Variants in HNRNPLL observed in about 807,000 individuals in gnomAD.
HNRNPLL encodes the protein heterogeneous nuclear ribonucleoprotein L like.
Under a neutral mutation model 67.1 loss-of-function variants are expected in HNRNPLL, and 25 were observed. The ratio of observed to expected loss-of-function variants is 0.37; its 90% confidence interval spans 0.27 to 0.52. The LOEUF (loss-of-function observed/expected upper bound fraction) is 0.52. HNRNPLL is among the 20% of genes least tolerant of loss of function. The pLI is 0.90. For synonymous variants in HNRNPLL, 267 were observed against 241.7 expected (o/e 1.10, Z -0.97); for missense variants, 542 against 673.9 (o/e 0.80, Z 2.17).
Position 38,569,377 on chromosome 2 carries a change from A to AT in HNRNPLL, c.1215-44dup, listed in dbSNP as rs760296379. On this transcript the variant is annotated intron_variant, in intron 9 of 12. Coordinates refer to ENST00000449105, the MANE Select transcript of HNRNPLL (RefSeq NM_138394.4). ...AAGACATACAAAAGTACTTTGTTAGATAAAAAGCAGCAAGTAGTCTCAGAA... is the reference window on the plus strand; with the variant it reads ...AAGACATACAAAAGTACTTTGTTAGATTAAAAAGCAGCAAGTAGTCTCAGAA... The AT allele has an allele frequency of 1.5e-5, 21 of 1,418,104 alleles. No individual in the cohort carries two copies. The East Asian group carries it at 4.6e-4, about 31-fold the overall frequency. 87.8% of individuals were successfully genotyped at this position (1,418,104 alleles called of 1,614,324 possible). A position where few individuals can be genotyped will look rare whatever the true frequency, so the allele number is the denominator to read the frequency against.
At chr2:38,591,801 C>A (rs1188225476) in intron 1 of HNRNPLL, among the ~76,000 whole-genome samples, 153 bp from the exon 2 acceptor site, 1 of 152,036 alleles carries the variant, frequency 6.6e-6, no homozygotes, top group Non-Finnish European at 1.5e-5. Context: ...CATGGTGAAA[C>A]CCCATCTCTA....
chr2:38,577,311 A>T (rs75047903), intron 7 of HNRNPLL, 150 bp downstream of exon 7: 2 of 529,154 alleles, frequency 3.8e-6, no homozygotes, highest in Non-Finnish European at 6.8e-6. Context: ...ATTTTGGACA[A>T]CTCCTGGGAG....
At chr2:38,578,073 CTGACT>C (rs1339515576) in intron 6 of HNRNPLL, 5 of 459,946 alleles carry the variant, frequency 1.1e-5, no homozygotes, top group African/African-American at 1.0e-4. Flanking sequence ...TTACAAACAC[CTGACT>C]TGAGAGCTGA....
chr2:38,590,158 T>C (rs1666901926), intron 2 of HNRNPLL, among the ~76,000 whole-genome samples: 1 of 152,228 alleles, frequency 6.6e-6, no homozygotes, highest in Non-Finnish European at 1.5e-5. Flanking sequence ...AAGGTTAACG[T>C]GTTTGCCAAG....
intron 1 of HNRNPLL, among the ~76,000 whole-genome samples, chr2:38,592,447 T>C (rs975232716): frequency 7.9e-5 from 12 of 152,248 alleles, no homozygotes; most frequent in Admixed American, 5.9e-4. Flanking sequence ...AACTTGAGGA[T>C]ACTCACTTAG....
chr2:38,591,597 G>T lies in HNRNPLL; in HGVS notation c.241C>A (p.Arg81=). The part of the protein sequence containing the change: ...KVSVSPVVHV[R]GLCESVVEAD... ...TCCACCACAGATTCACAGAGTCCTC[G>T]AACATGGACGACGGGTGAAACAGAA... Residue 81 remains arginine, a synonymous_variant, in exon 2 of 13, where the codon CGA becomes AGA. Transcript: ENST00000449105. 2 of 1,613,804 alleles carry T rather than the reference G, an allele frequency of 1.2e-6. No homozygotes were observed. The highest frequency in any genetic ancestry group is 4.5e-5 in the East Asian group (2 of 44,878).
At chr2:38,601,020 A>AC (rs1352956176) in intron 1 of HNRNPLL, among the ~76,000 whole-genome samples, 1 of 152,268 alleles carries the variant, frequency 6.6e-6, no homozygotes, top group Admixed American at 6.5e-5. Context: ...GCAACGAGGT[A>AC]CACTGATCGA....
chr2:38,592,049 A>C (rs1443414013), intron 1 of HNRNPLL, among the ~76,000 whole-genome samples: 1 of 152,220 alleles, frequency 6.6e-6, no homozygotes, highest in Non-Finnish European at 1.5e-5. Flanking sequence ...TAAAAAGTAA[A>C]CATTTTTTTT....
chr2:38,580,156 A>AT (rs199918240), intron 6 of HNRNPLL, among the ~76,000 whole-genome samples: 13 of 152,166 alleles, frequency 8.5e-5, no homozygotes, highest in African/African-American at 1.2e-4. Flanking sequence ...TTCAAATGAG[A>AT]TTTTTTTAAA....
At chr2:38,565,955 T>G in intron 12 of HNRNPLL, 4 of 847,768 alleles carry the variant, frequency 4.7e-6, no homozygotes, top group Middle Eastern at 5.9e-4. Flanking sequence ...ATTCCAGCCA[T>G]AAATCATTCA....
chr2:38,592,712 A>G (rs1199726822), intron 1 of HNRNPLL, among the ~76,000 whole-genome samples: 1 of 152,244 alleles, frequency 6.6e-6, no homozygotes, highest in East Asian at 1.9e-4. Flanking sequence ...TTCAAGTTCC[A>G]TTAAGACAAA....
intron 7 of HNRNPLL, among the ~76,000 whole-genome samples, chr2:38,576,898 C>A (rs943495865): frequency 1.3e-5 from 2 of 151,770 alleles, no homozygotes; most frequent in African/African-American, 4.8e-5. Flanking sequence ...CTAATTTTTT[C>A]CTGGGGCAGA....
chr2:38,601,802 T>C (rs1249522613), intron 1 of HNRNPLL, among the ~76,000 whole-genome samples: 1 of 152,222 alleles, frequency 6.6e-6, no homozygotes, highest in Non-Finnish European at 1.5e-5. Flanking sequence ...GTTGAAGTGT[T>C]GTAACCGAAG....
intron 1 of HNRNPLL, among the ~76,000 whole-genome samples, chr2:38,597,504 G>A (rs975063123): frequency 2.0e-5 from 3 of 152,210 alleles, no homozygotes; most frequent in Non-Finnish European, 2.9e-5. Context: ...TAACCCACGC[G>A]ATGTTTAATC....
Position 38,571,352 on chromosome 2 carries a change from G to A in HNRNPLL, c.1093-1427C>T, listed in dbSNP as rs531405461. On this transcript the variant is annotated intron_variant, in intron 8 of 12. Transcript: ENST00000449105. ...CTATTGTTGGAGCAGTTAACAGTGAGTAACTGAAAGCAAAACTGTGGATAA... is the reference window on the plus strand; with the variant it reads ...CTATTGTTGGAGCAGTTAACAGTGAATAACTGAAAGCAAAACTGTGGATAA... Among the ~76,000 whole-genome samples the A allele has an allele frequency of 2.0e-5, 3 of 152,138 alleles. No individual in the cohort carries two copies. The South Asian group carries it at 6.3e-4, about 32-fold the overall frequency.
chr2:38,566,443 T>C (rs1394841439), intron 12 of HNRNPLL, among the ~76,000 whole-genome samples: 1 of 149,230 alleles, frequency 6.7e-6, no homozygotes, highest in East Asian at 2.0e-4. Flanking sequence ...AGGTTAACAA[T>C]TTCACTTGAC....
In HNRNPLL at chr2:38,569,354, G is replaced by C; in HGVS notation, c.1215-20C>G. 1 of 1,550,410 alleles carries C rather than the reference G, an allele frequency of 6.4e-7. No homozygotes were observed. Among genetic ancestry groups the C allele is most frequent in the Non-Finnish European group, 8.9e-7 (1 of 1,125,602 alleles). On this transcript the variant is annotated intron_variant, in intron 9 of 12. Transcript: ENST00000449105. ...GACACGCTAAAGATTGTAAAGAAAA[G>C]ACATACAAAAGTACTTTGTTAGATA...
At chr2:38,591,868 C>T (rs1035466923) in intron 1 of HNRNPLL, among the ~76,000 whole-genome samples, 1 of 151,982 alleles carries the variant, frequency 6.6e-6, no homozygotes, top group Non-Finnish European at 1.5e-5. Context: ...CCCAGCTACT[C>T]TGGAGGCTGA....
At chr2:38,565,728 A>C (rs923139269) in intron 12 of HNRNPLL, among the ~76,000 whole-genome samples, 1 of 30,288 alleles carries the variant, frequency 3.3e-5, no homozygotes, top group Admixed American at 5.6e-4. Context: ...ACCCTGTCTC[A>C]AAAAAAAAAA....
Sources: gnomAD v4.1 joint callset for allele counts (sites outside exome capture counted in the v4.1 genomes callset) on GRCh38, gnomAD v4.1.1 for gene constraint, MANE v1.5 for transcripts, NCBI Gene and HGNC (gene_info 2026-07-23, HGNC 2026-07-21) for gene names.